The following SCRN1 variants were observed in gnomAD, a reference collection of about 807,000 sequenced individuals.
SCRN1 encodes the protein secernin 1.
In SCRN1, 19 loss-of-function variants were observed where a neutral mutation model predicts 43.3. That is an observed-to-expected ratio of 0.44 (90% CI 0.31 to 0.64). The LOEUF is 0.64. Among genes scored for constraint, SCRN1 ranks in the 30% least tolerant of loss-of-function variants. SCRN1 has a pLI of 0.09. For synonymous variants in SCRN1, 183 were observed against 188.9 expected (o/e 0.97, Z 0.26); for missense variants, 447 against 524.1 (o/e 0.85, Z 1.44).
intron 1 of SCRN1, chr7:29,969,746 T>C (rs17158555): frequency 0.024 from 10,942 of 446,862 alleles, 202 homozygotes; most frequent in Admixed American, 0.053. Flanking sequence ...ATGCTCAGAG[T>C]TTCCCTTGTC....
upstream of SCRN1, chr7:29,989,974 G>T (rs1363606293): frequency 5.0e-6 from 7 of 1,398,154 alleles, no homozygotes; most frequent in East Asian, 1.6e-4. Context: ...GGGAGCTGGA[G>T]GAGCGGCCGA....
At chr7:29,952,048 C>G (rs1466154793) in intron 3 of SCRN1, among the ~76,000 whole-genome samples, 1 of 152,178 alleles carries the variant, frequency 6.6e-6, no homozygotes, top group African/African-American at 2.4e-5. Flanking sequence ...GCAAGCAAGG[C>G]CAGAGAAAGT....
At chr7:29,969,231 C>T in intron 1 of SCRN1, 163 bp from the exon 2 acceptor site, 3 of 687,682 alleles carry the variant, frequency 4.4e-6, no homozygotes, top group South Asian at 4.7e-5. Flanking sequence ...GGGACGCCTG[C>T]AGTGGAATGA....
chr7:29,974,431 T>C (rs759433942), intron 1 of SCRN1, among the ~76,000 whole-genome samples: 34 of 152,204 alleles, frequency 2.2e-4, no homozygotes, highest in Admixed American at 4.6e-4. Context: ...AATAGTGAGT[T>C]GGCCTCCTAC....
At chr7:29,985,781 C>G (rs778064434) in intron 1 of SCRN1, among the ~76,000 whole-genome samples, 4 of 152,332 alleles carry the variant, frequency 2.6e-5, no homozygotes, top group Non-Finnish European at 4.4e-5. Flanking sequence ...TACTCCTTCT[C>G]TCCCTTTACA....
intron 3 of SCRN1, among the ~76,000 whole-genome samples, chr7:29,952,184 G>A (rs189470278): frequency 4.7e-4 from 72 of 152,240 alleles, no homozygotes; most frequent in African/African-American, 1.6e-3. Flanking sequence ...GCACCAGCTG[G>A]AGAACTTGTT....
intron 1 of SCRN1, among the ~76,000 whole-genome samples, chr7:29,987,798 G>C (rs1439176296): frequency 3.9e-5 from 6 of 152,174 alleles, no homozygotes; most frequent in Non-Finnish European, 8.8e-5. Flanking sequence ...CCTGGATTTG[G>C]GTTCTCACTG....
chr7:29,930,642 C>T (rs529926323), intron 6 of SCRN1, among the ~76,000 whole-genome samples: 1 of 152,358 alleles, frequency 6.6e-6, no homozygotes, highest in South Asian at 2.1e-4. Flanking sequence ...ATGCAGAACA[C>T]ACCTGAGAAG....
At chr7:29,986,151 G>A (rs1343080309) in intron 1 of SCRN1, among the ~76,000 whole-genome samples, 1 of 152,310 alleles carries the variant, frequency 6.6e-6, no homozygotes. Context: ...CAGGAGAATC[G>A]CTTGAACCCT....
chr7:29,929,160 A>G (rs7812065), intron 6 of SCRN1, among the ~76,000 whole-genome samples: 5,191 of 152,324 alleles, frequency 0.034, 110 homozygotes, highest in African/African-American at 0.067. Context: ...CTGGCACAGA[A>G]ACCCTTCAGT....
chr7:29,958,074 A>C (rs556025764), intron 2 of SCRN1, among the ~76,000 whole-genome samples: 1 of 152,154 alleles, frequency 6.6e-6, no homozygotes. Flanking sequence ...GATGGGCCCA[A>C]TCAGCCCTCC....
chr7:29,989,160 G>C (rs1010991579), intron 1 of SCRN1: 2 of 152,180 alleles, frequency 1.3e-5, no homozygotes, highest in Admixed American at 1.3e-4. Flanking sequence ...CGCGCTGGCA[G>C]AGCCGGGCCG....
At chr7:29,956,869 C>T (rs918418970) in intron 2 of SCRN1, among the ~76,000 whole-genome samples, 2 of 152,046 alleles carry the variant, frequency 1.3e-5, no homozygotes, top group African/African-American at 4.8e-5. Flanking sequence ...TTGTAGAGCA[C>T]GAAGCTGGCC....
intron 4 of SCRN1, among the ~76,000 whole-genome samples, chr7:29,943,229 G>A (rs995404864): frequency 3.3e-5 from 5 of 152,196 alleles, no homozygotes; most frequent in Non-Finnish European, 7.3e-5. Flanking sequence ...CCAAGGAGCT[G>A]CTCGGGCCAA....
chr7:29,985,569 G>A (rs1369388548), intron 1 of SCRN1, among the ~76,000 whole-genome samples: 3 of 151,898 alleles, frequency 2.0e-5, no homozygotes, highest in African/African-American at 7.3e-5. Flanking sequence ...ATCTCATTTC[G>A]ATATGGGAAC....
At chr7:29,984,140 A>G (rs1487842668) in intron 1 of SCRN1, among the ~76,000 whole-genome samples, 1 of 146,790 alleles carries the variant, frequency 6.8e-6, no homozygotes, top group Non-Finnish European at 1.5e-5. Flanking sequence ...CAGGAGGTAG[A>G]GCTTGCAATG....
In SCRN1 at chr7:29,984,918, C is replaced by CAA. The variant is rs748869830; in HGVS notation, c.-2+4722_-2+4723dup. 4.7e-4 allele frequency among the ~76,000 whole-genome samples: 26 copies of CAA among 55,580 alleles called. 2 individuals carry two copies. The highest frequency in any genetic ancestry group is 1.6e-3 in the African/African-American group (21 of 13,508). 36.5% of individuals were successfully genotyped at this position (55,580 alleles called of 152,430 possible). On this transcript the variant is annotated intron_variant, in intron 1 of 7. Coordinates refer to ENST00000242059, the MANE Select transcript of SCRN1 (RefSeq NM_014766.5). ...TGGGTGACAGAGCTAGACTCTGTCTCAAAAAAAAAAAAAAAGAATTACAAA... is the reference window on the plus strand; with the variant it reads ...TGGGTGACAGAGCTAGACTCTGTCTCAAAAAAAAAAAAAAAAAGAATTACAAA...
At chr7:29,977,442 C>G (rs183464847) in intron 1 of SCRN1, among the ~76,000 whole-genome samples, 8 of 152,236 alleles carry the variant, frequency 5.3e-5, no homozygotes, top group Admixed American at 3.3e-4. Flanking sequence ...TGTTTTAAAC[C>G]TTCTATTGAA....
intron 3 of SCRN1, among the ~76,000 whole-genome samples, chr7:29,947,741 T>C (rs199863829): frequency 1.3e-5 from 2 of 152,160 alleles, no homozygotes; most frequent in East Asian, 3.8e-4. Context: ...TTAAGCCTCA[T>C]CCCCAGTGTG....
Sources: gnomAD v4.1 joint callset for allele counts (sites outside exome capture counted in the v4.1 genomes callset) on GRCh38, gnomAD v4.1.1 for gene constraint, MANE v1.5 for transcripts, NCBI Gene and HGNC (gene_info 2026-07-23, HGNC 2026-07-21) for gene names.